Variants in PIK3C2A observed in about 807,000 individuals in gnomAD.
The protein encoded by PIK3C2A is phosphatidylinositol 4-phosphate 3-kinase C2 domain-containing subunit alpha.
A neutral mutation model predicts 204.5 loss-of-function variants in PIK3C2A; 97 were observed. The ratio of observed to expected loss-of-function variants is 0.47; its 90% confidence interval spans 0.40 to 0.56. The LOEUF (loss-of-function observed/expected upper bound fraction) is 0.56, where lower values mean the gene tolerates loss of function less well. Among genes scored for constraint, PIK3C2A ranks in the 20% least tolerant of loss-of-function variants. PIK3C2A has a pLI of 0.00. For synonymous variants in PIK3C2A, 653 were observed against 664.4 expected (o/e 0.98, Z 0.26); for missense variants, 1,735 against 1,969.2 (o/e 0.88, Z 2.25).
At chr11:17,193,749 G>A (rs569587040) in intron 1 of PIK3C2A, among the ~76,000 whole-genome samples, 28 of 150,886 alleles carry the variant, frequency 1.9e-4, no homozygotes, top group Admixed American at 6.7e-4. Flanking sequence ...GGGAGGCTGC[G>A]GCAGGAGAAT....
chr11:17,152,862 A>T (rs1229400772), intron 3 of PIK3C2A, among the ~76,000 whole-genome samples: 1 of 152,188 alleles, frequency 6.6e-6, no homozygotes, highest in Non-Finnish European at 1.5e-5. Context: ...GTTTTGAAAA[A>T]TTTCAAATAA....
At chr11:17,129,094 C>G (rs1043120955) in intron 13 of PIK3C2A, among the ~76,000 whole-genome samples, 14 of 152,218 alleles carry the variant, frequency 9.2e-5, no homozygotes, top group Non-Finnish European at 1.8e-4. Context: ...CTGTGCATAC[C>G]TATTCAGATA....
intron 8 of PIK3C2A, among the ~76,000 whole-genome samples, chr11:17,140,275 A>AT (rs1211972458): frequency 6.6e-6 from 1 of 152,078 alleles, no homozygotes; most frequent in Non-Finnish European, 1.5e-5. Context: ...ATAAACAACA[A>AT]TAAAAAAAAC....
chr11:17,126,758 T>G (rs1333659185), intron 13 of PIK3C2A, among the ~76,000 whole-genome samples: 6 of 152,236 alleles, frequency 3.9e-5, no homozygotes, highest in African/African-American at 1.4e-4. Context: ...ATTCACTATT[T>G]TAACAGCAGA....
At chr11:17,111,747 C>T (rs1849006860) in intron 21 of PIK3C2A, among the ~76,000 whole-genome samples, 1 of 151,450 alleles carries the variant, frequency 6.6e-6, no homozygotes, top group African/African-American at 2.4e-5. Context: ...CGTGGTGGCA[C>T]GTGTCTGTAA....
chr11:17,108,962 G>A (rs1848914149), intron 22 of PIK3C2A, among the ~76,000 whole-genome samples: 1 of 152,144 alleles, frequency 6.6e-6, no homozygotes, highest in Admixed American at 6.5e-5. Context: ...GAACAGAACT[G>A]GAACCAATGG....
At chr11:17,130,507 TA>T (rs1402674139) in intron 12 of PIK3C2A, among the ~76,000 whole-genome samples, 4 of 152,094 alleles carry the variant, frequency 2.6e-5, no homozygotes, top group Non-Finnish European at 5.9e-5. Context: ...TCCCTTAGTT[TA>T]AAAACACTAT....
chr11:17,101,597 C>T (rs1013057586), intron 24 of PIK3C2A, among the ~76,000 whole-genome samples, 163 bp from the exon 25 acceptor site: 5 of 149,256 alleles, frequency 3.3e-5, no homozygotes, highest in South Asian at 2.1e-4. Flanking sequence ...TAACATTTTT[C>T]TTTTTTTTTC....
intron 21 of PIK3C2A, among the ~76,000 whole-genome samples, chr11:17,111,648 G>A (rs1849002578): frequency 1.3e-5 from 2 of 151,940 alleles, no homozygotes; most frequent in Non-Finnish European, 2.9e-5. Context: ...AGACCGAGAC[G>A]GGCAGATCAC....
chr11:17,172,810 G>C (rs912300105), intron 1 of PIK3C2A, among the ~76,000 whole-genome samples: 1 of 152,054 alleles, frequency 6.6e-6, no homozygotes, highest in South Asian at 2.1e-4. Context: ...CTTCATCATC[G>C]GTGATTACCT....
chr11:17,134,939 C>A lies in PIK3C2A; in HGVS notation c.1988G>T (p.Gly663Val). Residue 663 changes from glycine to valine, a missense_variant, in exon 11 of 33, where the codon GGT becomes GTT. Physicochemically the swap from Gly to Val is moderately radical, Grantham distance 109. Around this residue, in one of 6 missense-constraint regions of PIK3C2A, gnomAD observed 567 missense variants for 576.0 expected, o/e 0.98. Coordinates refer to ENST00000691414, the MANE Select transcript of PIK3C2A (RefSeq NM_002645.4). ...TTGGGCACAGTCTGTAGGACTCCTA[C>A]CAGAATTTGCATGGAGTCTGAGAAG... ...YDLLRLHANS[G>V]RSPTDCAQSS... The A allele has an allele frequency of 1.9e-6, 3 of 1,613,642 alleles. No individual in the cohort carries two copies. Among genetic ancestry groups the A allele is most frequent in the Non-Finnish European group, 2.5e-6 (3 of 1,179,584 alleles).
chr11:17,126,513 T>C (rs1849531768), intron 13 of PIK3C2A, among the ~76,000 whole-genome samples: 1 of 152,214 alleles, frequency 6.6e-6, no homozygotes, highest in Non-Finnish European at 1.5e-5. Flanking sequence ...CAACAGAAAT[T>C]ATTTCATAAA....
chr11:17,186,210 C>T (rs680205), intron 1 of PIK3C2A, among the ~76,000 whole-genome samples: 86,471 of 151,886 alleles, frequency 0.57, 24,943 homozygotes, highest in East Asian at 0.82. Context: ...AAAGGTGACA[C>T]TTGTGTAAAG....
chr11:17,147,045 G>A (rs1188060109), intron 6 of PIK3C2A, among the ~76,000 whole-genome samples: 2 of 151,964 alleles, frequency 1.3e-5, no homozygotes, highest in African/African-American at 4.8e-5. Context: ...AGAAAGCATT[G>A]AAAGCACTTT....
chr11:17,131,585 C>T (rs1014840399), intron 12 of PIK3C2A, among the ~76,000 whole-genome samples: 1 of 151,994 alleles, frequency 6.6e-6, no homozygotes, highest in Admixed American at 6.6e-5. Flanking sequence ...CCACGCCCGG[C>T]TAATTTTTTG....
At chr11:17,207,465 C>G (rs1852622540) in intron 1 of PIK3C2A, among the ~76,000 whole-genome samples, 1 of 152,196 alleles carries the variant, frequency 6.6e-6, no homozygotes, top group African/African-American at 2.4e-5. Context: ...AAAATAGGAC[C>G]GGCCACTGCG....
At chr11:17,120,362 C>T (rs908491168) in intron 15 of PIK3C2A, among the ~76,000 whole-genome samples, 13 of 151,800 alleles carry the variant, frequency 8.6e-5, no homozygotes, top group Non-Finnish European at 1.6e-4. Flanking sequence ...AAAAAAAATA[C>T]TACTATAAAA....
chr11:17,114,540 A>G (rs1590923252), intron 19 of PIK3C2A, 75 bp from the exon 20 acceptor site: 1 of 685,900 alleles, frequency 1.5e-6, no homozygotes, highest in East Asian at 2.5e-5. Context: ...TATGCTGTGG[A>G]TACAATTTAT....
chr11:17,181,010 C>T (rs1851530630), intron 1 of PIK3C2A, among the ~76,000 whole-genome samples: 1 of 152,022 alleles, frequency 6.6e-6, no homozygotes, highest in Non-Finnish European at 1.5e-5. Context: ...TTACTTATTA[C>T]TGACTTATTA....
Sources: gnomAD v4.1 joint callset for allele counts (sites outside exome capture counted in the v4.1 genomes callset) on GRCh38, gnomAD v4.1.1 for gene constraint, gnomAD v4.1.1 regional missense constraint, MANE v1.5 for transcripts, NCBI Gene and HGNC (gene_info 2026-07-23, HGNC 2026-07-21) for gene names.